FER1L5: variants seen among roughly 807,000 people sequenced by gnomAD.
FER1L5 encodes the protein fer-1-like protein 5.
A neutral mutation model predicts 279.9 loss-of-function variants in FER1L5; 187 were observed. The observed-to-expected ratio is 0.67, with a 90% CI of 0.59 to 0.75. FER1L5 has a LOEUF of 0.75. FER1L5 is among the 30% of genes least tolerant of loss of function. The pLI is 0.00. For missense variants in FER1L5, 2,091 were observed against 2,594.4 expected (o/e 0.81, Z 4.21); for synonymous variants, 921 against 989.7 (o/e 0.93, Z 1.30).
intron 14 of FER1L5, among the ~76,000 whole-genome samples, chr2:96,667,154 C>T (rs2076153516): frequency 6.6e-6 from 1 of 151,962 alleles, no homozygotes; most frequent in African/African-American, 2.4e-5. Flanking sequence ...GTGGTTTTGG[C>T]AACTGCATGT....
intron 14 of FER1L5, among the ~76,000 whole-genome samples, chr2:96,667,967 C>A (rs1210654501): frequency 6.6e-6 from 1 of 151,906 alleles, no homozygotes; most frequent in Non-Finnish European, 1.5e-5. Flanking sequence ...CTCAAGCAAT[C>A]CTCCCACCTC....
At chr2:96,675,928 G>A (rs919428808) in intron 19 of FER1L5, among the ~76,000 whole-genome samples, 1 of 152,144 alleles carries the variant, frequency 6.6e-6, no homozygotes, top group African/African-American at 2.4e-5. Context: ...CAGCCCGGTT[G>A]ATTATCAATT....
chr2:96,658,319 T>A (rs1348677745), intron 9 of FER1L5, among the ~76,000 whole-genome samples: 50 of 138,806 alleles, frequency 3.6e-4, no homozygotes, highest in African/African-American at 1.3e-3. Context: ...CCTGGCCAAC[T>A]TTTTTTTTTT....
rs1005633324 is a variant in FER1L5, at chr2:96,703,723, A to G, written c.5801+91A>G. ...AGTGGGCCTATCATGGAGAGGTGGT[A>G]ATTACCTCCCACCCCACAGCTCTGT... On this transcript the variant is annotated intron_variant, in intron 51 of 52. Coordinates refer to ENST00000624922, the MANE Select transcript of FER1L5 (RefSeq NM_001293083.2). 7.0e-5 allele frequency: 76 copies of G among 1,087,286 alleles called. No individual in the cohort carries two copies. In the Admixed American group the frequency reaches 1.4e-3, roughly 20 times the overall value. The allele number at this position is 1,087,286 out of a possible 1,614,324, so 67.4% of individuals were successfully genotyped here. A position where few individuals can be genotyped will look rare whatever the true frequency, so the allele number is the denominator to read the frequency against.
chr2:96,654,202 A>G lies in FER1L5; in HGVS notation c.697-244A>G, dbSNP rs563191482. 19 of 355,978 alleles carry G rather than the reference A, an allele frequency of 5.3e-5. No individual in the cohort carries two copies. In the Admixed American group the frequency reaches 7.5e-4, roughly 14 times the overall value. The allele number at this position is 355,978 out of a possible 1,614,324, so 22.1% of individuals were successfully genotyped here. ...GAGTGCAACACCTTGCTTTGTGTTGACTTGGGGCAAGGAAATTGACCTCTC... is the reference window on the plus strand; with the variant it reads ...GAGTGCAACACCTTGCTTTGTGTTGGCTTGGGGCAAGGAAATTGACCTCTC... On this transcript the variant is annotated intron_variant, in intron 8 of 52. Transcript: ENST00000624922.
chr2:96,643,892 C>T (rs559636779), intron 1 of FER1L5, among the ~76,000 whole-genome samples: 7 of 151,866 alleles, frequency 4.6e-5, no homozygotes, highest in Middle Eastern at 3.4e-3. Context: ...GGTGAAAGGG[C>T]GGGGCACGGT....
intron 6 of FER1L5, among the ~76,000 whole-genome samples, chr2:96,651,220 ACTTTCTTTCTTTCTTTCTCTTT>A (rs1294939797): frequency 1.4e-5 from 2 of 147,398 alleles, no homozygotes; most frequent in Admixed American, 6.7e-5. Flanking sequence ...TAGGGCTACA[ACTTTCTTTCTTTCTTTCTCTTT>A]CTTTCTTTCT....
At chr2:96,650,069 A>G in intron 5 of FER1L5, 111 bp from the exon 6 acceptor site, 8 of 829,876 alleles carry the variant, frequency 9.6e-6, no homozygotes, top group South Asian at 1.6e-5. Flanking sequence ...CCTCTTGGCC[A>G]TGCTTTTAGT....
At chr2:96,655,497 TG>T (rs1183343987) in intron 9 of FER1L5, among the ~76,000 whole-genome samples, 1 of 152,212 alleles carries the variant, frequency 6.6e-6, no homozygotes, top group South Asian at 2.1e-4. Flanking sequence ...TTAATTTAAG[TG>T]GGCATCTTCT....
Position 96,669,053 on chromosome 2 carries a change from C to T in FER1L5, c.1278C>T (p.Ser426=), listed in dbSNP as rs377051677. The part of the protein sequence containing the change: ...STGEEIEGVY[S]GFLPCFGPSF... ...TCTCTCTCCTTCCAGGAGTGTACTCCGGCTTCCTGCCCTGCTTTGGCCCCA... is the reference window on the plus strand; with the variant it reads ...TCTCTCTCCTTCCAGGAGTGTACTCTGGCTTCCTGCCCTGCTTTGGCCCCA... The change falls in exon 17 of 53, where the codon TCC becomes TCT. Residue 426 remains serine, a synonymous_variant. Transcript: ENST00000624922. The T allele has an allele frequency of 3.0e-5, 47 of 1,551,562 alleles. No homozygotes were observed. The highest frequency in any genetic ancestry group is 7.1e-5 in the South Asian group (6 of 84,066).
Position 96,694,142 on chromosome 2 carries a change from C to CG in FER1L5, c.3636+75dup, listed in dbSNP as rs1180006767. On this transcript the variant is annotated intron_variant, in intron 33 of 52. Transcript: ENST00000624922. The surrounding 1 kb of genome is among the most constrained non-coding windows in gnomAD (Gnocchi z 4.6). ...CCCTCCCCGTCCCACCCCCAGCCAGCGGGGGCCAACTCCACCCTGTCAGGA... is the reference window on the plus strand; with the variant it reads ...CCCTCCCCGTCCCACCCCCAGCCAGCGGGGGGCCAACTCCACCCTGTCAGGA... 35 of 1,474,786 alleles carry CG rather than the reference C, an allele frequency of 2.4e-5. No individual in the cohort carries two copies. The highest frequency in any genetic ancestry group is 3.1e-5 in the Non-Finnish European group (35 of 1,112,202). 91.4% of individuals were successfully genotyped at this position (1,474,786 alleles called of 1,614,324 possible).
At chr2:96,672,960 G>A (rs930900100) in intron 18 of FER1L5, 117 bp from the exon 19 acceptor site, 2 of 1,320,328 alleles carry the variant, frequency 1.5e-6, no homozygotes, top group Non-Finnish European at 2.1e-6. Flanking sequence ...GCCTTTGAGA[G>A]GGAGAGAAGG....
chr2:96,698,064 C>T lies in FER1L5; in HGVS notation c.4264C>T (p.Pro1422Ser). Residue 1422 changes from proline (P) to serine (S), a missense_variant, in exon 40 of 53, where the codon CCA becomes TCA. Coordinates refer to ENST00000624922, the MANE Select transcript of FER1L5 (RefSeq NM_001293083.2). This position sits in a 1 kb window ranked among gnomAD's most constrained non-coding sequence, Gnocchi z 5.5. The stretch of plus-strand genomic sequence containing the variant: ...GTATGAGTGTGAGCTGGAGGCCGTG[C>T]CAGCCTTCCAGGGCCTGCAGGACTT... The part of the protein sequence containing the change: ...KVYECELEAV[P>S]AFQGLQDFCQ... 9 of 1,584,514 alleles carry T rather than the reference C, an allele frequency of 5.7e-6. No individual in the cohort carries two copies. Among genetic ancestry groups the T allele is most frequent in the Non-Finnish European group, 2.6e-6 (3 of 1,165,408 alleles).
At chr2:96,649,826 C>A in intron 5 of FER1L5, 149 bp downstream of exon 5, 1 of 751,220 alleles carries the variant, frequency 1.3e-6, no homozygotes, top group Non-Finnish European at 2.2e-6. Context: ...GCTACAGGGT[C>A]TAGATGCCAG....
At chr2:96,680,855 G>A (rs2076696140) in intron 19 of FER1L5, among the ~76,000 whole-genome samples, 1 of 152,024 alleles carries the variant, frequency 6.6e-6, no homozygotes, top group African/African-American at 2.4e-5. Context: ...AGATCATTTG[G>A]ATCAAAAGGA....
rs968411576 is a variant in FER1L5, at chr2:96,702,769, C to G, written c.5397+28C>G. ...AACAGGCCTGGGGCGTGAGGGGCAACAGGCCACAACAAACAGACCCAGGCT... is the reference window on the plus strand; with the variant it reads ...AACAGGCCTGGGGCGTGAGGGGCAAGAGGCCACAACAAACAGACCCAGGCT... On this transcript the variant is annotated intron_variant, in intron 48 of 52. Transcript: ENST00000624922. This position sits in a 1 kb window ranked among gnomAD's most constrained non-coding sequence, Gnocchi z 4.0. The G allele has an allele frequency of 1.2e-6, 2 of 1,609,640 alleles. No individual in the cohort carries two copies. Among genetic ancestry groups the G allele is most frequent in the African/African-American group, 1.3e-5 (1 of 74,862 alleles).
intron 1 of FER1L5, among the ~76,000 whole-genome samples, chr2:96,644,174 C>CAAAA (rs533711497): frequency 3.4e-5 from 3 of 88,034 alleles, no homozygotes; most frequent in Non-Finnish European, 6.4e-5. Context: ...GAGGTGCCTT[C>CAAAA]AAAAAAAAAA....
In FER1L5 at chr2:96,698,045, G is replaced by A. The variant is rs1330420873; in HGVS notation, c.4245G>A (p.Glu1415=). 1.3e-6 allele frequency: 2 copies of A among 1,572,976 alleles called. No individual in the cohort carries two copies. The highest frequency in any genetic ancestry group is 8.6e-7 in the Non-Finnish European group (1 of 1,159,236). The change falls in exon 40 of 53, where the codon GAG becomes GAA. Residue 1415 remains glutamate, a synonymous_variant. Coordinates refer to ENST00000624922, the MANE Select transcript of FER1L5 (RefSeq NM_001293083.2). This position sits in a 1 kb window ranked among gnomAD's most constrained non-coding sequence, Gnocchi z 5.5. ...TCCACACACCTCTGCAGGTGTATGA[G>A]TGTGAGCTGGAGGCCGTGCCAGCCT... ...YKDYHTLKVY[E]CELEAVPAFQ...
rs758850639 is a variant in FER1L5 at position 96,695,818 on chromosome 2, C to T, written c.3971C>T (p.Thr1324Ile). 6.2e-7 allele frequency: 1 copy of T among 1,613,016 alleles called. No homozygotes were observed. The highest frequency in any genetic ancestry group is 1.1e-5 in the South Asian group (1 of 90,798). The stretch of plus-strand genomic sequence containing the variant: ...GACAACTGGGCCTTCGGCCAGCAGA[C>T]CGTGACGGGCCAGGCCAACATCGAC... ...VVDNWAFGQQ[T>I]VTGQANIDFL... Residue 1324 changes from threonine to isoleucine, a missense_variant, in exon 36 of 53, where the codon ACC becomes ATC. Physicochemically the swap from Thr to Ile is moderately conservative, Grantham distance 89. Coordinates refer to ENST00000624922, the MANE Select transcript of FER1L5 (RefSeq NM_001293083.2).
Sources: allele counts gnomAD v4.1 joint callset (sites outside exome capture counted in the v4.1 genomes callset), GRCh38; gene constraint gnomAD v4.1.1; non-coding constraint Gnocchi (gnomAD v3.1); transcripts MANE v1.5; gene names NCBI Gene and HGNC (gene_info 2026-07-23, HGNC 2026-07-21).